Variants in MIPOL1 observed in about 807,000 individuals in gnomAD.
The protein encoded by MIPOL1 is mirror-image polydactyly 1.
In MIPOL1, 57 loss-of-function variants were observed where a neutral mutation model predicts 60.9. The observed-to-expected ratio is 0.94, with a 90% CI of 0.76 to 1.17. MIPOL1 has a LOEUF of 1.17. Among genes scored for constraint, MIPOL1 ranks in the 50% most tolerant of loss-of-function variants. MIPOL1 has a pLI of 0.00. For missense variants in MIPOL1, 551 were observed against 511.6 expected, an observed-to-expected ratio of 1.08 and a Z score of -0.74; for synonymous variants, 179 against 168.8, an observed-to-expected ratio of 1.06 and a Z score of -0.47.
chr14:37,433,890 C>A (rs1337562281), intron 11 of MIPOL1, among the ~76,000 whole-genome samples: 1 of 152,122 alleles, frequency 6.6e-6, no homozygotes, highest in Non-Finnish European at 1.5e-5. Context: ...GCATAGTAGT[C>A]CATGGTGTAT....
intron 10 of MIPOL1, among the ~76,000 whole-genome samples, chr14:37,409,735 G>A (rs1355109018): frequency 2.6e-5 from 4 of 152,138 alleles, no homozygotes; most frequent in Admixed American, 6.5e-5. Context: ...GCAGTGAGCC[G>A]AGATCGCATT....
intron 3 of MIPOL1, among the ~76,000 whole-genome samples, chr14:37,250,854 C>T (rs1246442652): frequency 6.6e-6 from 1 of 151,974 alleles, no homozygotes; most frequent in Non-Finnish European, 1.5e-5. Context: ...TTAAAGAGTG[C>T]TGAAGTGACC....
At chr14:37,407,842 C>CTTTTTTTTTTTTTTTTTTTTT (rs5807951) in intron 10 of MIPOL1, among the ~76,000 whole-genome samples, 3 of 58,056 alleles carry the variant, frequency 5.2e-5, no homozygotes, top group African/African-American at 1.3e-4. Context: ...TCTTCTTCTT[C>CTTTTTTTTTTTTTTTTTTTTT]TTCTTTTTTT....
intron 11 of MIPOL1, among the ~76,000 whole-genome samples, chr14:37,463,924 A>G (rs1354407582): frequency 6.6e-6 from 1 of 152,194 alleles, no homozygotes; most frequent in African/African-American, 2.4e-5. Context: ...CAACAAAAAC[A>G]ACCCAATTAA....
intron 1 of MIPOL1, among the ~76,000 whole-genome samples, chr14:37,220,634 G>T (rs1046737329): frequency 6.6e-6 from 1 of 152,152 alleles, no homozygotes; most frequent in Admixed American, 6.5e-5. Flanking sequence ...GTACAAAAAT[G>T]CACTGTCACA....
chr14:37,465,435 C>T (rs146309059), intron 11 of MIPOL1, among the ~76,000 whole-genome samples: 207 of 152,240 alleles, frequency 1.4e-3, no homozygotes, highest in African/African-American at 4.9e-3. Flanking sequence ...ATATTCCTTT[C>T]AGACCAACAC....
intron 12 of MIPOL1, among the ~76,000 whole-genome samples, chr14:37,544,296 T>C (rs1355066859): frequency 6.6e-6 from 1 of 152,220 alleles, no homozygotes; most frequent in Non-Finnish European, 1.5e-5. Flanking sequence ...GGCAAGATCT[T>C]TAATACTAAT....
Position 37,198,319 on chromosome 14 carries a change from TG to T in MIPOL1, c.-199+218del, listed in dbSNP as rs1298556864. 2.0e-5 allele frequency: 3 copies of T among 152,316 alleles called. No homozygotes were observed. In the East Asian group the frequency reaches 5.8e-4, roughly 30 times the overall value. 9.4% of individuals were successfully genotyped at this position (152,316 alleles called of 1,614,324 possible). ...TCCTCAGGTGGCAGACAGCTCTTTC[TG>T]GGTATGGTTTTGGTATTGTCTCCAG... is the stretch of plus-strand genomic sequence containing the variant. On this transcript the variant is annotated intron_variant, in intron 1 of 12. Coordinates refer to ENST00000684589, the MANE Select transcript of MIPOL1 (RefSeq NM_001388067.1).
In MIPOL1 at chr14:37,286,728, G is replaced by T. The variant is rs936176380; in HGVS notation, c.623+1281G>T. On this transcript the variant is annotated intron_variant, in intron 7 of 12. Transcript: ENST00000684589. Reference sequence around the variant, plus strand: ...TTAGATTAATGGCTTCATTTTTTTTGAAGATTGATAGGCTCATTATACAGC... The same window carrying T: ...TTAGATTAATGGCTTCATTTTTTTTTAAGATTGATAGGCTCATTATACAGC... 1.7e-4 allele frequency among the ~76,000 whole-genome samples: 25 copies of T among 151,192 alleles called. No homozygotes were observed. The East Asian group carries it at 4.1e-3, about 25-fold the overall frequency.
intron 11 of MIPOL1, among the ~76,000 whole-genome samples, chr14:37,450,864 G>T (rs953765774): frequency 2.6e-5 from 4 of 151,766 alleles, no homozygotes; most frequent in Non-Finnish European, 4.4e-5. Context: ...ATATAAAATC[G>T]TGTCCACTTC....
chr14:37,524,564 TCTTTTC>T (rs2095434480), intron 12 of MIPOL1, among the ~76,000 whole-genome samples: 1 of 49,088 alleles, frequency 2.0e-5, no homozygotes, highest in Non-Finnish European at 3.6e-5. Flanking sequence ...TTTTTCTTTT[TCTTTTC>T]TTTTTTTTTT....
In MIPOL1 at chr14:37,521,910, ATTTTTT is replaced by A. The variant is rs34333538; in HGVS notation, c.1262+21777_1262+21782del. Among the ~76,000 whole-genome samples, 4 of 132,770 alleles carry A rather than the reference ATTTTTT, an allele frequency of 3.0e-5. No homozygotes were observed. The Admixed American group carries it at 3.0e-4, about 10-fold the overall frequency. The allele number at this position is 132,770 out of a possible 152,430, so 87.1% of individuals were successfully genotyped here. A position where few individuals can be genotyped will look rare whatever the true frequency, so the allele number is the denominator to read the frequency against. ...GAAAAAAAAATATATATATATATAT[ATTTTTT>A]TTTTCTTTGGCTTCAAAAATAAAAC... On this transcript the variant is annotated intron_variant, in intron 12 of 12. Coordinates refer to ENST00000684589, the MANE Select transcript of MIPOL1 (RefSeq NM_001388067.1).
chr14:37,207,692 C>T (rs867846192), intron 1 of MIPOL1, among the ~76,000 whole-genome samples: 6 of 151,960 alleles, frequency 3.9e-5, no homozygotes, highest in South Asian at 4.2e-4. Flanking sequence ...ATTACAGGCA[C>T]GTGCCATCAT....
At chr14:37,342,756 G>C (rs2090666861) in intron 9 of MIPOL1, among the ~76,000 whole-genome samples, 1 of 152,004 alleles carries the variant, frequency 6.6e-6, no homozygotes, top group African/African-American at 2.4e-5. Flanking sequence ...AATAATCTTA[G>C]ATAGTATTAC....
chr14:37,433,647 C>T (rs1478975063), intron 11 of MIPOL1, among the ~76,000 whole-genome samples: 1 of 152,152 alleles, frequency 6.6e-6, no homozygotes. Context: ...CCTCTGCCTC[C>T]CAGGTTCAAG....
intron 1 of MIPOL1, among the ~76,000 whole-genome samples, chr14:37,223,425 T>G (rs1382316779): frequency 6.6e-6 from 1 of 152,172 alleles, no homozygotes. Flanking sequence ...TCCTGGTTGC[T>G]CTGTATAGAC....
At chr14:37,429,676 A>T (rs957947243) in intron 11 of MIPOL1, among the ~76,000 whole-genome samples, 3 of 152,274 alleles carry the variant, frequency 2.0e-5, no homozygotes, top group African/African-American at 7.2e-5. Flanking sequence ...GATGAAATAT[A>T]CACAAAAAGA....
intron 7 of MIPOL1, among the ~76,000 whole-genome samples, chr14:37,300,082 A>T (rs1260287087): frequency 1.3e-5 from 2 of 151,782 alleles, no homozygotes; most frequent in Non-Finnish European, 2.9e-5. Flanking sequence ...TCCTAATAGG[A>T]TTTACTATCA....
intron 10 of MIPOL1, among the ~76,000 whole-genome samples, chr14:37,395,624 C>T (rs2093357034): frequency 6.6e-6 from 1 of 152,122 alleles, no homozygotes; most frequent in African/African-American, 2.4e-5. Flanking sequence ...AGAAACTTTG[C>T]TGAATTCTTT....
Sources: gnomAD v4.1 joint callset for allele counts (sites outside exome capture counted in the v4.1 genomes callset) on GRCh38, gnomAD v4.1.1 for gene constraint, MANE v1.5 for transcripts, NCBI Gene and HGNC (gene_info 2026-07-23, HGNC 2026-07-21) for gene names.